Variants in PTPRQ observed in about 807,000 individuals in gnomAD.
PTPRQ encodes the protein protein tyrosine phosphatase receptor type Q, also known as phosphatidylinositol phosphatase PTPRQ.
A neutral mutation model predicts 246.0 loss-of-function variants in PTPRQ; 199 were observed. The observed-to-expected ratio is 0.81, with a 90% CI of 0.72 to 0.91. The LOEUF (loss-of-function observed/expected upper bound fraction) is 0.91. Ranked by LOEUF, PTPRQ falls within the 40% of genes least tolerant of loss-of-function variation. The pLI is 0.00. For synonymous variants in PTPRQ, 869 were observed against 853.2 expected, an observed-to-expected ratio of 1.02 and a Z score of -0.32; for missense variants, 2,624 against 2,528.4, an observed-to-expected ratio of 1.04 and a Z score of -0.81.
chr12:80,652,651 A>G, intron 37 of PTPRQ, 93 bp from the exon 38 acceptor site: 1 of 1,304,130 alleles, frequency 7.7e-7, no homozygotes, highest in Admixed American at 3.8e-5. Flanking sequence ...AAAAATTAAA[A>G]AAAAAGTTTA....
intron 42 of PTPRQ, 50 bp from the exon 43 acceptor site, chr12:80,673,119 A>T (rs1901025727): frequency 6.5e-7 from 1 of 1,542,718 alleles, no homozygotes; most frequent in Admixed American, 2.0e-5. Context: ...CCCCATCAAA[A>T]TGAACAACCC....
At chr12:80,467,523 C>G (rs1309068128) in intron 6 of PTPRQ, among the ~76,000 whole-genome samples, 1 of 152,088 alleles carries the variant, frequency 6.6e-6, no homozygotes, top group African/African-American at 2.4e-5. Context: ...ACCCAAAGGA[C>G]TATAAAACAT....
chr12:80,673,171 C>G lies in PTPRQ; in HGVS notation c.6605C>G (p.Ala2202Gly). ...DTTPMIVHCS[A>G]GVGRTGVFIA... ...CATGTAATTTACCCTTCCTGTAGTGCTGGAGTTGGAAGAACTGGAGTTTTT... is the reference window on the plus strand; with the variant it reads ...CATGTAATTTACCCTTCCTGTAGTGGTGGAGTTGGAAGAACTGGAGTTTTT... Residue 2202 changes from alanine (A) to glycine (G), a missense_variant and splice_region_variant, in exon 43 of 45, where the codon GCT (alanine) becomes GGT (glycine). By Grantham distance (60) the Ala-to-Gly change is moderately conservative. Coordinates refer to ENST00000644991, the MANE Select transcript of PTPRQ (RefSeq NM_001145026.2). The G allele has an allele frequency of 6.4e-7, 1 of 1,550,510 alleles. No individual in the cohort carries two copies. Among genetic ancestry groups the G allele is most frequent in the East Asian group, 2.4e-5 (1 of 40,882 alleles).
At chr12:80,628,441 T>C (rs1899290420) in intron 33 of PTPRQ, among the ~76,000 whole-genome samples, 1 of 152,204 alleles carries the variant, frequency 6.6e-6, no homozygotes, top group African/African-American at 2.4e-5. Flanking sequence ...TGGTAACCTA[T>C]TTTGTCACTT....
intron 26 of PTPRQ, among the ~76,000 whole-genome samples, chr12:80,589,207 GA>G (rs1489461874): frequency 1.3e-5 from 2 of 152,064 alleles, no homozygotes; most frequent in Non-Finnish European, 2.9e-5. Context: ...TCCTTATCCT[GA>G]ACTCTGTTTA....
intron 8 of PTPRQ, among the ~76,000 whole-genome samples, chr12:80,475,657 A>G (rs1365151202): frequency 6.6e-6 from 1 of 152,058 alleles, no homozygotes; most frequent in East Asian, 1.9e-4. Flanking sequence ...AAGCTTAAAT[A>G]GGAAAAAAAA....
intron 17 of PTPRQ, among the ~76,000 whole-genome samples, chr12:80,533,134 T>C (rs1895891541): frequency 6.6e-6 from 1 of 152,184 alleles, no homozygotes; most frequent in Admixed American, 6.5e-5. Context: ...AATTCTTTAA[T>C]AACTAACTTT....
chr12:80,538,710 T>C (rs1896059964), intron 19 of PTPRQ, among the ~76,000 whole-genome samples: 1 of 152,214 alleles, frequency 6.6e-6, no homozygotes, highest in Non-Finnish European at 1.5e-5. Flanking sequence ...CCATTCTTAC[T>C]ATAAATTTGG....
chr12:80,520,356 T>A (rs962450570), intron 17 of PTPRQ, among the ~76,000 whole-genome samples: 1 of 152,170 alleles, frequency 6.6e-6, no homozygotes, highest in South Asian at 2.1e-4. Flanking sequence ...ATATTACTTT[T>A]AATACAATTT....
intron 20 of PTPRQ, among the ~76,000 whole-genome samples, chr12:80,540,873 C>T (rs1181430135): frequency 6.6e-6 from 1 of 152,058 alleles, no homozygotes; most frequent in Non-Finnish European, 1.5e-5. Flanking sequence ...GACATTTTAT[C>T]ACTTATAATT....
intron 24 of PTPRQ, among the ~76,000 whole-genome samples, chr12:80,547,537 C>A (rs955726922): frequency 7.4e-4 from 112 of 152,146 alleles, no homozygotes; most frequent in African/African-American, 2.1e-3. Flanking sequence ...TTTATGGCTA[C>A]CTGACACTGT....
chr12:80,514,464 A>G (rs985360410), intron 17 of PTPRQ, among the ~76,000 whole-genome samples: 2 of 146,958 alleles, frequency 1.4e-5, no homozygotes, highest in Non-Finnish European at 3.0e-5. Context: ...AAAAGAGACT[A>G]TTACCTGGCA....
chr12:80,483,085 A>C (rs1894131308), intron 8 of PTPRQ, among the ~76,000 whole-genome samples: 1 of 125,540 alleles, frequency 8.0e-6, no homozygotes, highest in Non-Finnish European at 1.7e-5. Flanking sequence ...ACGTATGTTT[A>C]TTGTGGCACT....
intron 39 of PTPRQ, among the ~76,000 whole-genome samples, chr12:80,668,736 C>A (rs2246361): frequency 1.1e-4 from 16 of 151,740 alleles, no homozygotes; most frequent in Non-Finnish European, 2.2e-4. Flanking sequence ...TTATTAAGTT[C>A]TGTTATTATT....
In PTPRQ at chr12:80,495,343, T is replaced by C. The variant is rs1440135617; in HGVS notation, c.1854T>C (p.Thr618=). 2.0e-6 allele frequency: 3 copies of C among 1,522,500 alleles called. No individual in the cohort carries two copies. The South Asian group carries it at 3.9e-5, about 20-fold the overall frequency. The allele number at this position is 1,522,500 out of a possible 1,614,324, so 94.3% of individuals were successfully genotyped here. ...ATACAAACAGAGCATTCCAGATAAC[T>C]ACCATAGATAACAGCTTTCTCATAA... ...ELDTNRAFQI[T]TIDNSFLITG... is the part of the protein sequence containing the mutation. Residue 618 remains threonine (T), a synonymous_variant, in exon 12 of 45, where the codon ACT becomes ACC. Transcript: ENST00000644991.
chr12:80,524,143 T>A (rs1189146686), intron 17 of PTPRQ, among the ~76,000 whole-genome samples: 1 of 152,204 alleles, frequency 6.6e-6, no homozygotes, highest in East Asian at 1.9e-4. Flanking sequence ...TCTTTTGATC[T>A]TTGTTGGTTT....
chr12:80,552,369 T>G (rs1896500818), intron 25 of PTPRQ, among the ~76,000 whole-genome samples: 1 of 151,780 alleles, frequency 6.6e-6, no homozygotes, highest in African/African-American at 2.4e-5. Context: ...AGGAGCTGAG[T>G]CTTTGAGAAC....
intron 9 of PTPRQ, among the ~76,000 whole-genome samples, chr12:80,490,621 G>A (rs1894415989): frequency 6.6e-6 from 1 of 151,928 alleles, no homozygotes; most frequent in Admixed American, 6.6e-5. Context: ...TGAGGTAGCT[G>A]GGGGCCAGGG....
intron 26 of PTPRQ, among the ~76,000 whole-genome samples, chr12:80,598,691 A>C (rs1469494796): frequency 6.6e-6 from 1 of 151,960 alleles, no homozygotes; most frequent in Non-Finnish European, 1.5e-5. Flanking sequence ...CCAAATTCTG[A>C]AACTAAAACA....
Sources: gnomAD v4.1 joint callset for allele counts (sites outside exome capture counted in the v4.1 genomes callset) on GRCh38, gnomAD v4.1.1 for gene constraint, MANE v1.5 for transcripts, NCBI Gene and HGNC (gene_info 2026-07-23, HGNC 2026-07-21) for gene names.